The following CDH20 variants were observed in gnomAD, a reference collection of about 807,000 sequenced individuals.
CDH20 encodes the protein cadherin-20.
A neutral mutation model predicts 74.2 loss-of-function variants in CDH20; 29 were observed. That is an observed-to-expected ratio of 0.39 (90% CI 0.29 to 0.53). The LOEUF is 0.53. CDH20 is among the 20% of genes least tolerant of loss of function. The pLI, the probability that CDH20 is intolerant of heterozygous loss-of-function variation, is 0.69. For missense variants in CDH20, 988 were observed against 1,048.3 expected (o/e 0.94, Z 0.79); for synonymous variants, 469 against 405.4 (o/e 1.16, Z -1.88).
At chr18:61,489,640 G>C (rs967213989) in intron 1 of CDH20, among the ~76,000 whole-genome samples, 5 of 151,776 alleles carry the variant, frequency 3.3e-5, no homozygotes, top group Non-Finnish European at 5.9e-5. Context: ...GTCAAGAAAG[G>C]AGATTTGTTG....
intron 10 of CDH20, among the ~76,000 whole-genome samples, chr18:61,548,569 G>C (rs905898082): frequency 2.6e-5 from 4 of 152,222 alleles, no homozygotes; most frequent in Non-Finnish European, 4.4e-5. Flanking sequence ...AAGGGGTAAT[G>C]TGTTACTCAG....
intron 1 of CDH20, among the ~76,000 whole-genome samples, chr18:61,413,180 C>CCATCCA (rs1340088747): frequency 6.6e-6 from 1 of 152,084 alleles, no homozygotes; most frequent in Non-Finnish European, 1.5e-5. Flanking sequence ...ATCCACTGTA[C>CCATCCA]CATCCACATC....
At chr18:61,480,625 T>C (rs1910557514) in intron 1 of CDH20, among the ~76,000 whole-genome samples, 1 of 152,194 alleles carries the variant, frequency 6.6e-6, no homozygotes, top group African/African-American at 2.4e-5. Context: ...TGACTTCGAA[T>C]AGGATGGGAG....
At chr18:61,490,874 C>A in intron 2 of CDH20, 75 bp downstream of exon 2, 2 of 1,515,568 alleles carry the variant, frequency 1.3e-6, no homozygotes, top group Non-Finnish European at 1.8e-6. Context: ...CAAAGTTGAC[C>A]TAGCCTTTAT....
At position 61,465,915 on chromosome 18, in the gene CDH20, C is replaced by T. The variant is rs547243399; in HGVS notation, c.-152-24487C>T. On this transcript the variant is annotated intron_variant, in intron 1 of 11. Transcript: ENST00000262717. ...TCTAAAAAAAAAATTTACAAATTAG[C>T]CAGGCATGGTGATATAGGCCCGTAG... is the stretch of plus-strand genomic sequence containing the variant. Among the ~76,000 whole-genome samples, 13 of 151,994 alleles carry T rather than the reference C, an allele frequency of 8.6e-5. No homozygotes were observed. The East Asian group carries it at 2.5e-3, about 29-fold the overall frequency.
At chr18:61,417,577 C>CAAAAAAAAAA (rs1362637528) in intron 1 of CDH20, among the ~76,000 whole-genome samples, 2 of 6,212 alleles carry the variant, frequency 3.2e-4, no homozygotes, top group African/African-American at 5.0e-4. Flanking sequence ...GATGTGGGAG[C>CAAAAAAAAAA]TAAAAAAAAA....
chr18:61,523,065 G>A (rs1288469776), intron 6 of CDH20, among the ~76,000 whole-genome samples: 1 of 152,128 alleles, frequency 6.6e-6, no homozygotes, highest in Non-Finnish European at 1.5e-5. Context: ...TGACAAATGG[G>A]ATTGAATTAA....
intron 1 of CDH20, among the ~76,000 whole-genome samples, chr18:61,398,455 A>G (rs1161916318): frequency 6.6e-6 from 1 of 152,228 alleles, no homozygotes; most frequent in Non-Finnish European, 1.5e-5. Context: ...AGAAGATTAA[A>G]TGATAAGCCA....
At chr18:61,396,940 A>G (rs1040181135) in intron 1 of CDH20, among the ~76,000 whole-genome samples, 3 of 152,144 alleles carry the variant, frequency 2.0e-5, no homozygotes, top group African/African-American at 7.2e-5. Flanking sequence ...CTGTCTGTTT[A>G]TCCCTTCAAG....
intron 2 of CDH20, among the ~76,000 whole-genome samples, chr18:61,492,464 C>A (rs763200013): frequency 6.6e-6 from 1 of 152,202 alleles, no homozygotes; most frequent in Non-Finnish European, 1.5e-5. Context: ...CTACTTACGT[C>A]TCTTCAATGT....
chr18:61,490,856 T>G (rs1054572951), intron 2 of CDH20, 57 bp downstream of exon 2: 24 of 1,556,842 alleles, frequency 1.5e-5, no homozygotes, highest in African/African-American at 2.7e-5. Context: ...TGAATATGAA[T>G]TGAGTATCAA....
At chr18:61,409,613 G>T (rs1377065865) in intron 1 of CDH20, among the ~76,000 whole-genome samples, 11 of 152,202 alleles carry the variant, frequency 7.2e-5, no homozygotes, top group African/African-American at 2.7e-4. Context: ...GATCTCATAA[G>T]CCAGAGAATA....
intron 6 of CDH20, among the ~76,000 whole-genome samples, chr18:61,515,366 C>CT: frequency 6.6e-6 from 1 of 152,200 alleles, no homozygotes; most frequent in South Asian, 2.1e-4. Context: ...GGCTCGCGCA[C>CT]GGTGCACGCA....
intron 6 of CDH20, among the ~76,000 whole-genome samples, chr18:61,526,281 A>T (rs1052430018): frequency 6.6e-6 from 1 of 151,872 alleles, no homozygotes; most frequent in African/African-American, 2.4e-5. Context: ...GGCATGTGCC[A>T]CCACACCCAG....
chr18:61,441,622 A>C (rs1187142017), intron 1 of CDH20, among the ~76,000 whole-genome samples: 1 of 152,190 alleles, frequency 6.6e-6, no homozygotes, highest in Non-Finnish European at 1.5e-5. Flanking sequence ...AGTTGTGTGG[A>C]TAGGGGCCCC....
chr18:61,516,512 T>C (rs1215173293), intron 6 of CDH20, among the ~76,000 whole-genome samples: 2 of 152,238 alleles, frequency 1.3e-5, no homozygotes, highest in East Asian at 3.8e-4. Context: ...TACTATTTTG[T>C]GCCATAATTT....
chr18:61,487,923 G>T (rs763833448), intron 1 of CDH20, among the ~76,000 whole-genome samples: 30 of 152,078 alleles, frequency 2.0e-4, no homozygotes, highest in Admixed American at 5.9e-4. Flanking sequence ...CAGAAGAGGA[G>T]ACATCTGCAC....
chr18:61,456,195 CT>C (rs1909565920), intron 1 of CDH20, among the ~76,000 whole-genome samples: 1 of 152,194 alleles, frequency 6.6e-6, no homozygotes. Flanking sequence ...AACCAAGTGG[CT>C]GCTACATAAT....
chr18:61,531,739 G>A (rs1185700934), intron 7 of CDH20, among the ~76,000 whole-genome samples: 1 of 152,152 alleles, frequency 6.6e-6, no homozygotes, highest in Non-Finnish European at 1.5e-5. Flanking sequence ...AATCATGGGG[G>A]TGGTTTCCCC....
Sources: allele counts gnomAD v4.1 joint callset (sites outside exome capture counted in the v4.1 genomes callset), GRCh38; gene constraint gnomAD v4.1.1; transcripts MANE v1.5; gene names NCBI Gene and HGNC (gene_info 2026-07-23, HGNC 2026-07-21).